Variants in ZNF721 observed in about 807,000 individuals in gnomAD.
ZNF721 encodes the protein zinc finger protein 721.
Under a neutral mutation model 2.4 loss-of-function variants are expected in ZNF721, and 2 were observed. The ratio of observed to expected loss-of-function variants is 0.82; its 90% CI spans 0.34 to 2.58. The LOEUF (loss-of-function observed/expected upper bound fraction) is 2.58, where lower values mean the gene tolerates loss of function less well. Among genes scored for constraint, ZNF721 ranks in the 30% most tolerant of loss-of-function variants. The pLI, the probability that ZNF721 is intolerant of heterozygous loss-of-function variation, is 0.11. For missense variants in ZNF721, 1,187 were observed against 1,085.5 expected, an observed-to-expected ratio of 1.09 and a Z score of -1.31; for synonymous variants, 398 against 381.8, an observed-to-expected ratio of 1.04 and a Z score of -0.50.
intron 1 of ZNF721, among the ~76,000 whole-genome samples, chr4:482,534 T>G (rs540159757): frequency 6.6e-6 from 1 of 151,466 alleles, no homozygotes; most frequent in South Asian, 2.1e-4. Context: ...TCTCACTCTG[T>G]CACCCAGGTT....
rs929521692 is a variant in ZNF721 at position 499,154 on chromosome 4, T to A, written c.-192A>T. ...TCGTATGTCCGAGGTGACGCCCCGCTGTGGCGGGCTGGCGGAAGTGACGCG... is the reference window on the plus strand; with the variant it reads ...TCGTATGTCCGAGGTGACGCCCCGCAGTGGCGGGCTGGCGGAAGTGACGCG... On this transcript the variant is annotated 5_prime_UTR_variant, in exon 1 of 3. Transcript: ENST00000511833. The A allele has an allele frequency of 4.0e-5, 25 of 617,636 alleles. No individual in the cohort carries two copies. The highest frequency in any genetic ancestry group is 3.9e-4 in the African/African-American group (20 of 51,736). 38.3% of individuals were successfully genotyped at this position (617,636 alleles called of 1,614,324 possible).
At chr4:455,101 A>G (rs1553865271) in intron 2 of ZNF721, among the ~76,000 whole-genome samples, 1 of 152,174 alleles carries the variant, frequency 6.6e-6, no homozygotes, top group Non-Finnish European at 1.5e-5. Flanking sequence ...GTGAATGTAA[A>G]TATATGTATC....
intron 1 of ZNF721, among the ~76,000 whole-genome samples, chr4:491,676 G>A (rs1553871483): frequency 6.6e-6 from 1 of 152,292 alleles, no homozygotes; most frequent in African/African-American, 2.4e-5. Context: ...ATGTATGAGA[G>A]GTTCCCATAA....
At chr4:493,343 C>T (rs907312989) in intron 1 of ZNF721, among the ~76,000 whole-genome samples, 12 of 152,182 alleles carry the variant, frequency 7.9e-5, no homozygotes, top group Non-Finnish European at 1.3e-4. Flanking sequence ...AACCTCTCTA[C>T]TCCCTGTGTA....
chr4:464,850 C>T (rs529859161), intron 2 of ZNF721, among the ~76,000 whole-genome samples: 10 of 151,622 alleles, frequency 6.6e-5, no homozygotes, highest in South Asian at 2.1e-4. Context: ...GAGGCCGAGG[C>T]GGGAGGATCA....
intron 1 of ZNF721, among the ~76,000 whole-genome samples, chr4:480,810 C>T (rs1553869347): frequency 7.8e-6 from 1 of 128,166 alleles, no homozygotes; most frequent in African/African-American, 3.3e-5. Flanking sequence ...TTTTAAGTAG[C>T]TTTCACCTTT....
intron 2 of ZNF721, among the ~76,000 whole-genome samples, chr4:448,505 T>C (rs985721065): frequency 6.7e-6 from 1 of 150,296 alleles, no homozygotes; most frequent in African/African-American, 2.5e-5. Flanking sequence ...ATTGAAATAA[T>C]AAAGATATCT....
At chr4:455,874 T>C (rs1553865359) in intron 2 of ZNF721, among the ~76,000 whole-genome samples, 2 of 152,102 alleles carry the variant, frequency 1.3e-5, no homozygotes, top group East Asian at 3.9e-4. Flanking sequence ...TTTTATGTTT[T>C]TCATCACAAC....
intron 2 of ZNF721, among the ~76,000 whole-genome samples, chr4:468,303 G>A (rs879968495): frequency 1.6e-4 from 25 of 151,634 alleles, no homozygotes; most frequent in Non-Finnish European, 3.1e-4. Flanking sequence ...TGATGGAAGC[G>A]CCTGTACTCC....
intron 2 of ZNF721, among the ~76,000 whole-genome samples, chr4:470,615 G>A (rs1553867462): frequency 6.6e-6 from 1 of 152,216 alleles, no homozygotes; most frequent in Non-Finnish European, 1.5e-5. Flanking sequence ...TTGGGAGGCT[G>A]AGGCAGAAGA....
At position 443,836 on chromosome 4, in the gene ZNF721, A is replaced by G. The variant is rs201712232; in HGVS notation, c.631T>C (p.Tyr211His). Residue 211 changes from tyrosine (Y) to histidine (H), a missense_variant, in exon 3 of 3, where the codon TAT (tyrosine) becomes CAT (histidine). Transcript: ENST00000511833. ...AFGWSTNLNE[Y>H]KKIHTGDKPY... ...TTATCTCCAGTATGAATTTTCTTAT[A>G]TTCATTCAGGTTTGTGGACCATCCA... 1 of 1,613,680 alleles carries G rather than the reference A, an allele frequency of 6.2e-7. No homozygotes were observed. The highest frequency in any genetic ancestry group is 1.1e-5 in the South Asian group (1 of 91,068).
rs370374786 is a variant in ZNF721 at position 441,909 on chromosome 4, T to A, written c.2558A>T (p.Tyr853Phe). 1.4e-5 allele frequency: 23 copies of A among 1,613,722 alleles called. No individual in the cohort carries two copies. The African/African-American group carries it at 1.7e-4, about 12-fold the overall frequency. Residue 853 changes from tyrosine (Y) to phenylalanine (F), a missense_variant, in exon 3 of 3, where the codon TAT becomes TTT. Coordinates refer to ENST00000511833, the MANE Select transcript of ZNF721 (RefSeq NM_133474.4). ...GKAFRQSAIL[Y>F]VHRRIHTGEK... ...TCCAGTATGAATTCTCCTATGTACA[T>A]AAAGGATTGCTGACTGTCTAAAGGC...
chr4:444,504 T>G (rs1714407297), intron 2 of ZNF721, 72 bp from the exon 3 acceptor site: 1 of 1,390,342 alleles, frequency 7.2e-7, no homozygotes, highest in African/African-American at 1.4e-5. Context: ...AATCATAAGA[T>G]TATACAAAGT....
intron 2 of ZNF721, among the ~76,000 whole-genome samples, chr4:461,383 G>C (rs1715064622): frequency 1.3e-5 from 2 of 152,190 alleles, no homozygotes; most frequent in African/African-American, 4.8e-5. Flanking sequence ...TGCAGAAAGG[G>C]CCTTCAATAA....
At chr4:481,166 C>T (rs574095460) in intron 1 of ZNF721, among the ~76,000 whole-genome samples, 1 of 152,300 alleles carries the variant, frequency 6.6e-6, no homozygotes, top group Non-Finnish European at 1.5e-5. Context: ...AAGTAATTAT[C>T]CTATCTCAAC....
In ZNF721 at chr4:472,558, A is replaced by C. The variant is rs782388666; in HGVS notation, c.34+17T>G. On this transcript the variant is annotated intron_variant, in intron 2 of 2. Transcript: ENST00000511833. The stretch of plus-strand genomic sequence containing the variant: ...TCAGAGGGAGTATTAGGAATTATGC[A>C]TTAAAGTTATCCTCACCTAGGGAGA... The C allele has an allele frequency of 2.5e-6, 4 of 1,595,542 alleles. No individual in the cohort carries two copies. The African/African-American group carries it at 4.1e-5, about 16-fold the overall frequency.
Position 444,223 on chromosome 4 carries a change from GA to G in ZNF721, c.243del (p.Gln82AsnfsTer43). ...KCLSNTQSKIFQCNARVKVFS... is the reference protein window; with the variant it reads ...KCLSNTQSKIXQCNARVKVFS... Reference sequence around the variant, plus strand: ...AAAACTTTGACACGTGCATTACATTGAAATATTTTGCTCTGAGTATTTGACA... The same window carrying G: ...AAAACTTTGACACGTGCATTACATTGAATATTTTGCTCTGAGTATTTGACA... On this transcript the variant is annotated frameshift_variant, in exon 3 of 3. Transcript: ENST00000511833. LOFTEE classifies it low-confidence loss of function (END_TRUNC). The G allele has an allele frequency of 6.2e-7, 1 of 1,613,562 alleles. No homozygotes were observed.
chr4:494,831 G>C (rs1436054808), intron 1 of ZNF721, among the ~76,000 whole-genome samples: 1 of 151,844 alleles, frequency 6.6e-6, no homozygotes, highest in Admixed American at 6.6e-5. Context: ...TGAGTCCTGG[G>C]TCTCCAGAAA....
intron 1 of ZNF721, among the ~76,000 whole-genome samples, chr4:475,045 G>A (rs1560239433): frequency 1.3e-5 from 2 of 151,964 alleles, no homozygotes; most frequent in Admixed American, 6.6e-5. Flanking sequence ...AAATTAGCCG[G>A]GCGTGGTGGG....
Sources: gnomAD v4.1 joint callset for allele counts (sites outside exome capture counted in the v4.1 genomes callset) on GRCh38, gnomAD v4.1.1 for gene constraint, MANE v1.5 for transcripts, NCBI Gene and HGNC (gene_info 2026-07-23, HGNC 2026-07-21) for gene names.